The following ADCY9 variants were observed in gnomAD, a reference collection of about 807,000 sequenced individuals.
ADCY9 encodes the protein adenylate cyclase 9, also known as adenylate cyclase type 9.
A neutral mutation model predicts 101.5 loss-of-function variants in ADCY9; 50 were observed. The ratio of observed to expected loss-of-function variants is 0.49; its 90% CI spans 0.39 to 0.62. ADCY9 has a LOEUF of 0.62. Ranked by LOEUF, ADCY9 falls within the 20% of genes least tolerant of loss-of-function variation. The pLI, the probability that ADCY9 is intolerant of heterozygous loss-of-function variation, is 0.00. For missense variants in ADCY9, 1,662 were observed against 1,800.4 expected (o/e 0.92, Z 1.39); for synonymous variants, 905 against 769.3 (o/e 1.18, Z -2.92).
chr16:4,052,218 G>A (rs577411550), intron 2 of ADCY9, among the ~76,000 whole-genome samples: 35 of 152,300 alleles, frequency 2.3e-4, no homozygotes, highest in South Asian at 1.0e-3. Flanking sequence ...AGACAGAGAC[G>A]AAGGAACAGC....
At chr16:3,971,862 C>G (rs539566372) in intron 10 of ADCY9, among the ~76,000 whole-genome samples, 36 of 152,334 alleles carry the variant, frequency 2.4e-4, no homozygotes, top group African/African-American at 8.2e-4. Flanking sequence ...ATCGCTTGTA[C>G]AGCTCACTCT....
rs550635058 is a variant in ADCY9, at chr16:4,115,470, C to G, written c.-28G>C. The stretch of plus-strand genomic sequence containing the variant: ...TGTCGAGTCCCGGGGCCTGCCCCGG[C>G]CGGGGTCACCAGTACCTGCCAGCAA... On this transcript the variant is annotated 5_prime_UTR_variant, in exon 2 of 11. Coordinates refer to ENST00000294016, the MANE Select transcript of ADCY9 (RefSeq NM_001116.4). This position sits in a 1 kb window ranked among gnomAD's most constrained non-coding sequence, Gnocchi z 6.2. 78 of 1,503,208 alleles carry G rather than the reference C, an allele frequency of 5.2e-5. 1 individual carries two copies. In the South Asian group the frequency reaches 8.2e-4, roughly 16 times the overall value. 93.1% of individuals were successfully genotyped at this position (1,503,208 alleles called of 1,614,324 possible). A position where few individuals can be genotyped will look rare whatever the true frequency, so the allele number is the denominator to read the frequency against.
In ADCY9 at chr16:4,063,601, C is replaced by A. The variant is rs551867047; in HGVS notation, c.1693+50149G>T. ...ATGGTACACACCTGTAGCCTCAGCT[C>A]CTTGGGGGGCTGAGGTGAGAGAATC... On this transcript the variant is annotated intron_variant, in intron 2 of 10. Coordinates refer to ENST00000294016, the MANE Select transcript of ADCY9 (RefSeq NM_001116.4). Among the ~76,000 whole-genome samples the A allele has an allele frequency of 3.3e-5, 5 of 151,778 alleles. No individual in the cohort carries two copies. In the East Asian group the frequency reaches 9.7e-4, roughly 29 times the overall value.
intron 2 of ADCY9, among the ~76,000 whole-genome samples, chr16:4,012,349 C>T (rs918050843): frequency 1.3e-5 from 2 of 152,080 alleles, no homozygotes; most frequent in African/African-American, 2.4e-5. Context: ...GGACAGGTTA[C>T]TGAGTTCAAG....
chr16:4,044,934 C>G lies in ADCY9; in HGVS notation c.1694-37376G>C, dbSNP rs535262313. Among the ~76,000 whole-genome samples the G allele has an allele frequency of 7.9e-5, 12 of 152,278 alleles. No individual in the cohort carries two copies. The East Asian group carries it at 9.6e-4, about 12-fold the overall frequency. On this transcript the variant is annotated intron_variant, in intron 2 of 10. Coordinates refer to ENST00000294016, the MANE Select transcript of ADCY9 (RefSeq NM_001116.4). ...CAGCAACGGGCTCCCGGCTCCCGCACGTGACTGCCAACTCTTTACGAGATG... is the reference window on the plus strand; with the variant it reads ...CAGCAACGGGCTCCCGGCTCCCGCAGGTGACTGCCAACTCTTTACGAGATG...
intron 2 of ADCY9, among the ~76,000 whole-genome samples, chr16:4,107,783 G>A (rs530280622): frequency 3.9e-5 from 6 of 152,230 alleles, no homozygotes; most frequent in Admixed American, 3.9e-4. Context: ...CAGGGTTAAT[G>A]GGGCGCCCAG....
At chr16:4,088,541 T>C (rs1163455814) in intron 2 of ADCY9, among the ~76,000 whole-genome samples, 1 of 151,938 alleles carries the variant, frequency 6.6e-6, no homozygotes, top group Non-Finnish European at 1.5e-5. Context: ...CTGCCCACCT[T>C]GGCCTCCCGA....
intron 2 of ADCY9, among the ~76,000 whole-genome samples, chr16:4,096,631 G>A (rs531312579): frequency 3.3e-5 from 5 of 152,238 alleles, no homozygotes; most frequent in South Asian, 4.1e-4. Context: ...TCCAGAATGC[G>A]ATGCAATCCA....
At chr16:4,047,484 T>TAGCCGGGCGCGGTGG (rs2056673062) in intron 2 of ADCY9, among the ~76,000 whole-genome samples, 1 of 151,196 alleles carries the variant, frequency 6.6e-6, no homozygotes, top group African/African-American at 2.5e-5. Context: ...AAAAAAATCT[T>TAGCCGGGCGCGGTGG]CAGTTCTCCC....
chr16:4,114,579 G>A lies in ADCY9; in HGVS notation c.864C>T (p.His288=), dbSNP rs746100827. ...GGACCCCGATGGCGTGGATGCAGCCGTGGAGCAGCCCCCTGCTCAGCAGCT... is the reference window on the plus strand; with the variant it reads ...GGACCCCGATGGCGTGGATGCAGCCATGGAGCAGCCCCCTGCTCAGCAGCT... ...HWELLSRGLL[H]GCIHAIGVHL... Residue 288 remains histidine, a synonymous_variant, in exon 2 of 11, where the codon CAC becomes CAT. Transcript: ENST00000294016. This position sits in a 1 kb window ranked among gnomAD's most constrained non-coding sequence, Gnocchi z 4.3. The A allele has an allele frequency of 2.5e-6, 4 of 1,613,988 alleles. No individual in the cohort carries two copies. Among genetic ancestry groups the A allele is most frequent in the East Asian group, 2.2e-5 (1 of 44,884 alleles).
chr16:3,968,998 A>G (rs937256984), intron 10 of ADCY9, among the ~76,000 whole-genome samples: 1 of 152,128 alleles, frequency 6.6e-6, no homozygotes, highest in Non-Finnish European at 1.5e-5. Context: ...GGTGCACGCC[A>G]CCATGCCCAG....
intron 2 of ADCY9, among the ~76,000 whole-genome samples, chr16:4,066,117 G>A (rs960654706): frequency 7.9e-5 from 12 of 152,142 alleles, no homozygotes; most frequent in Non-Finnish European, 1.8e-4. Context: ...TCTAGGAATG[G>A]GTATGAACTT....
intron 2 of ADCY9, among the ~76,000 whole-genome samples, chr16:4,097,097 T>C (rs1049820446): frequency 6.6e-6 from 1 of 152,014 alleles, no homozygotes; most frequent in Non-Finnish European, 1.5e-5. Flanking sequence ...TAAAAACAAT[T>C]GCCAGAACTA....
intron 2 of ADCY9, among the ~76,000 whole-genome samples, chr16:4,077,077 C>CAAA (rs56303992): frequency 1.0e-3 from 144 of 139,106 alleles, no homozygotes; most frequent in African/African-American, 3.6e-3. Context: ...GACTTCGTCT[C>CAAA]AAAAAAAAAA....
intron 2 of ADCY9, among the ~76,000 whole-genome samples, chr16:4,059,812 C>G (rs896990205): frequency 1.3e-5 from 2 of 152,174 alleles, no homozygotes; most frequent in Admixed American, 6.5e-5. Context: ...GTGGGAAAAT[C>G]TCTTGAGCCT....
intron 5 of ADCY9, among the ~76,000 whole-genome samples, chr16:3,991,526 C>T (rs374125165): frequency 3.4e-4 from 52 of 152,076 alleles, no homozygotes; most frequent in African/African-American, 1.2e-3. Context: ...TTTAGGAGGC[C>T]GAGGCGGGCA....
At chr16:3,980,165 C>T (rs946781112) in intron 7 of ADCY9, among the ~76,000 whole-genome samples, 2 of 152,256 alleles carry the variant, frequency 1.3e-5, no homozygotes, top group African/African-American at 4.8e-5. Flanking sequence ...TGAGGTCCAG[C>T]ACCACGTATT....
chr16:3,988,015 T>A, intron 6 of ADCY9, among the ~76,000 whole-genome samples: 1 of 146,272 alleles, frequency 6.8e-6, no homozygotes, highest in African/African-American at 2.7e-5. Flanking sequence ...GAGAGATGGG[T>A]GTTGGGACTG....
intron 2 of ADCY9, among the ~76,000 whole-genome samples, chr16:4,067,687 T>A (rs1259355713): frequency 6.6e-6 from 1 of 152,166 alleles, no homozygotes; most frequent in East Asian, 1.9e-4. Flanking sequence ...CAGCACAGCC[T>A]GCAGCTGACC....
Sources: allele counts gnomAD v4.1 joint callset (sites outside exome capture counted in the v4.1 genomes callset), GRCh38; gene constraint gnomAD v4.1.1; non-coding constraint Gnocchi (gnomAD v3.1); transcripts MANE v1.5; gene names NCBI Gene and HGNC (gene_info 2026-07-23, HGNC 2026-07-21).